Variants in DTNA observed in about 807,000 individuals in gnomAD.
DTNA encodes dystrophin-related protein 3.
A neutral mutation model predicts 100.7 loss-of-function variants in DTNA; 43 were observed. The observed-to-expected ratio is 0.43, with a 90% CI of 0.33 to 0.55. DTNA has a LOEUF of 0.55. Ranked by LOEUF, DTNA falls within the 20% of genes least tolerant of loss-of-function variation. DTNA has a pLI of 0.04. For missense variants in DTNA, 798 were observed against 953.9 expected (o/e 0.84, Z 2.15); for synonymous variants, 349 against 347.9 (o/e 1.00, Z -0.04).
chr18:34,510,110 TTG>T (rs747424556), intron 1 of DTNA, among the ~76,000 whole-genome samples: 18 of 145,566 alleles, frequency 1.2e-4, no homozygotes, highest in Non-Finnish European at 1.4e-4. Context: ...TTGGTTGTTG[TTG>T]TTTTTTTTTT....
chr18:34,757,675 C>T (rs1332012135), intron 2 of DTNA, among the ~76,000 whole-genome samples: 1 of 152,080 alleles, frequency 6.6e-6, no homozygotes, highest in Non-Finnish European at 1.5e-5. Context: ...TCAAAGAAAG[C>T]TCGATATGAT....
chr18:34,815,313 T>C (rs1320700010), intron 6 of DTNA, among the ~76,000 whole-genome samples: 1 of 152,124 alleles, frequency 6.6e-6, no homozygotes, highest in Non-Finnish European at 1.5e-5. Flanking sequence ...CAAAAGGACC[T>C]GGATAGTGAG....
chr18:34,753,137 G>A (rs2092457617), intron 1 of DTNA, among the ~76,000 whole-genome samples: 1 of 151,836 alleles, frequency 6.6e-6, no homozygotes, highest in Non-Finnish European at 1.5e-5. Flanking sequence ...GTTGGACTTT[G>A]CTGGGCACTG....
intron 1 of DTNA, among the ~76,000 whole-genome samples, chr18:34,510,598 A>C (rs929504694): frequency 6.7e-6 from 1 of 150,228 alleles, no homozygotes; most frequent in African/African-American, 2.4e-5. Flanking sequence ...CCTGTGGCTC[A>C]ATGTGACTAG....
At chr18:34,788,112 T>C (rs895078897) in intron 3 of DTNA, among the ~76,000 whole-genome samples, 1 of 152,206 alleles carries the variant, frequency 6.6e-6, no homozygotes, top group African/African-American at 2.4e-5. Flanking sequence ...TTGATAGCTA[T>C]TTAGTAAAAT....
chr18:34,676,730 G>GAGGT (rs1279345088), intron 1 of DTNA, among the ~76,000 whole-genome samples: 1 of 152,154 alleles, frequency 6.6e-6, no homozygotes, highest in African/African-American at 2.4e-5. Context: ...AGCTACTCAG[G>GAGGT]AGGTTGAGAT....
chr18:34,820,653 G>A lies in DTNA; in HGVS notation c.877-138G>A, dbSNP rs566864095. ...TCGGAAACTCTTTTCCGAGCATTGAGCAAACTTCCAGACTCAGAATCAGCA... is the reference window on the plus strand; with the variant it reads ...TCGGAAACTCTTTTCCGAGCATTGAACAAACTTCCAGACTCAGAATCAGCA... On this transcript the variant is annotated intron_variant, in intron 8 of 22. Transcript: ENST00000444659. 2.1e-6 allele frequency: 3 copies of A among 1,400,546 alleles called. No homozygotes were observed. The African/African-American group carries it at 4.3e-5, about 20-fold the overall frequency. The allele number at this position is 1,400,546 out of a possible 1,614,324, so 86.8% of individuals were successfully genotyped here. A position where few individuals can be genotyped will look rare whatever the true frequency, so the allele number is the denominator to read the frequency against.
intron 19 of DTNA, among the ~76,000 whole-genome samples, chr18:34,879,158 T>G (rs2096848218): frequency 6.6e-6 from 1 of 152,214 alleles, no homozygotes; most frequent in African/African-American, 2.4e-5. Flanking sequence ...GTTCATATTT[T>G]AAGCATTTTA....
At chr18:34,579,747 A>G (rs1231071697) in intron 1 of DTNA, among the ~76,000 whole-genome samples, 2 of 152,146 alleles carry the variant, frequency 1.3e-5, no homozygotes, top group African/African-American at 4.8e-5. Flanking sequence ...AAAATGCCTC[A>G]ACGTGTTGTT....
At chr18:34,732,085 A>G (rs900207727) in intron 1 of DTNA, among the ~76,000 whole-genome samples, 3 of 152,226 alleles carry the variant, frequency 2.0e-5, no homozygotes, top group African/African-American at 7.2e-5. Flanking sequence ...TGAAAAGAAA[A>G]GAGAATATTT....
intron 1 of DTNA, among the ~76,000 whole-genome samples, chr18:34,634,838 T>C (rs574032135): frequency 6.6e-6 from 1 of 152,160 alleles, no homozygotes; most frequent in Non-Finnish European, 1.5e-5. Flanking sequence ...TAAAATCTAT[T>C]ATCTTAGCAA....
chr18:34,738,884 G>T (rs1446630840), intron 1 of DTNA, among the ~76,000 whole-genome samples: 1 of 152,180 alleles, frequency 6.6e-6, no homozygotes, highest in East Asian at 1.9e-4. Context: ...GTTTTGCAGA[G>T]AAAAGCTGCA....
chr18:34,575,400 T>C (rs2048018803), intron 1 of DTNA, among the ~76,000 whole-genome samples: 1 of 152,210 alleles, frequency 6.6e-6, no homozygotes, highest in African/African-American at 2.4e-5. Flanking sequence ...TCTTACTATA[T>C]CCAACACCTA....
intron 1 of DTNA, among the ~76,000 whole-genome samples, chr18:34,676,619 G>C (rs1378896504): frequency 6.6e-6 from 1 of 152,116 alleles, no homozygotes; most frequent in African/African-American, 2.4e-5. Context: ...CGGATTGTTT[G>C]AGCTCAGATG....
intron 1 of DTNA, among the ~76,000 whole-genome samples, chr18:34,652,597 C>T (rs958135329): frequency 6.6e-6 from 1 of 152,216 alleles, no homozygotes; most frequent in African/African-American, 2.4e-5. Context: ...ATTTATTAAG[C>T]ACCAACATAT....
chr18:34,876,276 C>G (rs1449626506), intron 18 of DTNA, among the ~76,000 whole-genome samples: 4 of 152,104 alleles, frequency 2.6e-5, no homozygotes, highest in Non-Finnish European at 5.9e-5. Flanking sequence ...TCTTCGAAGT[C>G]TTCACATAGA....
intron 1 of DTNA, among the ~76,000 whole-genome samples, chr18:34,690,104 G>A (rs577916354): frequency 6.6e-6 from 1 of 152,334 alleles, no homozygotes; most frequent in East Asian, 1.9e-4. Context: ...GATCCGCTGA[G>A]CAAGACCACT....
intron 1 of DTNA, among the ~76,000 whole-genome samples, chr18:34,695,836 C>T (rs548959784): frequency 6.6e-6 from 1 of 152,170 alleles, no homozygotes; most frequent in Non-Finnish European, 1.5e-5. Context: ...GCTTTTTCCA[C>T]GTGTTCCTGA....
At chr18:34,657,536 T>A (rs1223924451) in intron 1 of DTNA, among the ~76,000 whole-genome samples, 1 of 152,200 alleles carries the variant, frequency 6.6e-6, no homozygotes, top group Non-Finnish European at 1.5e-5. Flanking sequence ...TCTTTTTTAA[T>A]GAGAAAGCAA....
Sources: gnomAD v4.1 joint callset for allele counts (sites outside exome capture counted in the v4.1 genomes callset) on GRCh38, gnomAD v4.1.1 for gene constraint, MANE v1.5 for transcripts, NCBI Gene and HGNC (gene_info 2026-07-23, HGNC 2026-07-21) for gene names.